The following ZPBP variants were observed in gnomAD, a reference collection of about 807,000 sequenced individuals.
ZPBP encodes the protein zona pellucida binding protein.
In ZPBP, 26 loss-of-function variants were observed where a neutral mutation model predicts 44.8. That is an observed-to-expected ratio of 0.58 (90% CI 0.43 to 0.81). The LOEUF is 0.81. Among genes scored for constraint, ZPBP ranks in the 30% least tolerant of loss-of-function variants. The pLI is 0.00. For missense variants in ZPBP, 409 were observed against 434.0 expected (o/e 0.94, Z 0.51); for synonymous variants, 174 against 153.2 (o/e 1.14, Z -1.00).
intron 4 of ZPBP, among the ~76,000 whole-genome samples, chr7:50,045,603 C>G (rs900771546): frequency 4.6e-5 from 7 of 152,132 alleles, no homozygotes; most frequent in Admixed American, 3.9e-4. Flanking sequence ...TGTGAAGGAC[C>G]TCTTCAAGGA....
downstream of ZPBP, among the ~76,000 whole-genome samples, chr7:49,847,581 A>G (rs374066105): frequency 6.6e-6 from 1 of 152,244 alleles, no homozygotes; most frequent in East Asian, 1.9e-4. Context: ...GGTTATACTC[A>G]GATATCCCAA....
intron 7 of ZPBP, among the ~76,000 whole-genome samples, chr7:49,957,133 A>G (rs1795636763): frequency 6.6e-6 from 1 of 152,130 alleles, no homozygotes; most frequent in Non-Finnish European, 1.5e-5. Flanking sequence ...CACTTCCATC[A>G]TAAGGTTACA....
At chr7:50,051,597 G>A (rs1800701033) in intron 4 of ZPBP, among the ~76,000 whole-genome samples, 1 of 152,090 alleles carries the variant, frequency 6.6e-6, no homozygotes, top group South Asian at 2.1e-4. Flanking sequence ...AAGAAAATGT[G>A]ATACACATAC....
intron 3 of ZPBP, among the ~76,000 whole-genome samples, chr7:50,069,039 G>A (rs1271159417): frequency 6.6e-6 from 1 of 152,178 alleles, no homozygotes; most frequent in Non-Finnish European, 1.5e-5. Flanking sequence ...CCTCTTAAGA[G>A]GCATAAGCAT....
At chr7:50,033,058 GA>G (rs973011394) in intron 4 of ZPBP, among the ~76,000 whole-genome samples, 4 of 151,812 alleles carry the variant, frequency 2.6e-5, no homozygotes, top group African/African-American at 9.6e-5. Flanking sequence ...ACTTTTTGTT[GA>G]AAACATTGCT....
chr7:50,084,801 G>C (rs1802552668), intron 2 of ZPBP, among the ~76,000 whole-genome samples: 1 of 151,944 alleles, frequency 6.6e-6, no homozygotes, highest in East Asian at 1.9e-4. Flanking sequence ...AGTTGTCATT[G>C]GGGAGATCAA....
chr7:50,089,011 C>T (rs189363593), intron 2 of ZPBP, among the ~76,000 whole-genome samples: 254 of 152,062 alleles, frequency 1.7e-3, no homozygotes, highest in Non-Finnish European at 2.8e-3. Context: ...TGTATGACTC[C>T]ATTTATATGA....
chr7:50,018,097 T>A (rs1474933524), intron 6 of ZPBP, 143 bp downstream of exon 6: 7 of 634,118 alleles, frequency 1.1e-5, no homozygotes, highest in African/African-American at 1.9e-5. Flanking sequence ...TATCTTTTAT[T>A]AGTGGGTAAA....
intron 4 of ZPBP, among the ~76,000 whole-genome samples, chr7:50,052,153 T>C (rs1800728592): frequency 6.6e-6 from 1 of 151,882 alleles, no homozygotes; most frequent in Non-Finnish European, 1.5e-5. Context: ...AAAGACAAAA[T>C]ACAGACTGGT....
rs1265165364 is a variant in ZPBP, at chr7:50,012,663, A to G, written c.783+5577T>C. 2.0e-5 allele frequency among the ~76,000 whole-genome samples: 3 copies of G among 149,940 alleles called. No individual in the cohort carries two copies. In the Admixed American group the frequency reaches 2.0e-4, roughly 10 times the overall value. On this transcript the variant is annotated intron_variant, in intron 6 of 7. Coordinates refer to ENST00000046087, the MANE Select transcript of ZPBP (RefSeq NM_007009.3). The stretch of plus-strand genomic sequence containing the variant: ...AGAAGAGAACTTCCTCATTCTGATA[A>G]AAGGTATCTATGAAAACCTAGAGTT...
At chr7:49,903,696 G>A (rs976943008) in intron 1 of ZPBP, among the ~76,000 whole-genome samples, 1 of 152,164 alleles carries the variant, frequency 6.6e-6, no homozygotes, top group South Asian at 2.1e-4. Flanking sequence ...AGACGTATAT[G>A]CACATATTAT....
intron 2 of ZPBP, among the ~76,000 whole-genome samples, chr7:50,088,382 A>C (rs983873227): frequency 2.0e-5 from 3 of 152,048 alleles, no homozygotes; most frequent in South Asian, 2.1e-4. Context: ...AATTTCTTAG[A>C]TATGATACCT....
intron 5 of ZPBP, among the ~76,000 whole-genome samples, chr7:50,023,433 C>T (rs917698324): frequency 5.3e-5 from 8 of 151,694 alleles, no homozygotes; most frequent in African/African-American, 1.9e-4. Context: ...ATAGGAAAGA[C>T]AATAACAAGA....
intron 1 of ZPBP, among the ~76,000 whole-genome samples, chr7:49,909,382 T>C (rs897084013): frequency 6.6e-6 from 1 of 152,098 alleles, no homozygotes; most frequent in Admixed American, 6.5e-5. Flanking sequence ...ATTAGGGAAA[T>C]TTTAAACATA....
chr7:49,951,711 G>A (rs1232983495), intron 7 of ZPBP, among the ~76,000 whole-genome samples: 1 of 151,550 alleles, frequency 6.6e-6, no homozygotes, highest in Non-Finnish European at 1.5e-5. Flanking sequence ...AAAGTGGAAT[G>A]ACCCTGTAAT....
At chr7:50,074,101 G>T (rs1801970164) in intron 3 of ZPBP, among the ~76,000 whole-genome samples, 1 of 151,992 alleles carries the variant, frequency 6.6e-6, no homozygotes, top group Admixed American at 6.5e-5. Context: ...AATACAATAA[G>T]ATATAAATAG....
intron 7 of ZPBP, among the ~76,000 whole-genome samples, chr7:49,963,960 A>T (rs977174709): frequency 7.2e-5 from 11 of 151,994 alleles, no homozygotes; most frequent in African/African-American, 2.4e-4. Flanking sequence ...AATGTTAGCA[A>T]ATTAGATACA....
At chr7:50,080,729 T>C (rs1246446490) in intron 3 of ZPBP, among the ~76,000 whole-genome samples, 2 of 151,848 alleles carry the variant, frequency 1.3e-5, no homozygotes, top group Non-Finnish European at 3.0e-5. Flanking sequence ...TGGGTGCTTT[T>C]ACGCCTGGAT....
chr7:49,959,972 T>A (rs564659520), intron 7 of ZPBP, among the ~76,000 whole-genome samples: 1 of 152,180 alleles, frequency 6.6e-6, no homozygotes, highest in Non-Finnish European at 1.5e-5. Context: ...GGCATTTTAA[T>A]AGAGGAAGAA....
Sources: allele counts gnomAD v4.1 joint callset (sites outside exome capture counted in the v4.1 genomes callset), GRCh38; gene constraint gnomAD v4.1.1; transcripts MANE v1.5; gene names NCBI Gene and HGNC (gene_info 2026-07-23, HGNC 2026-07-21).